Variants in CTCF observed in about 807,000 individuals in gnomAD.
CTCF encodes the protein CCCTC-binding factor, also known as transcriptional repressor CTCF.
A neutral mutation model predicts 72.3 loss-of-function variants in CTCF; 7 were observed. That is an observed-to-expected ratio of 0.10 (90% CI 0.06 to 0.18). CTCF has a LOEUF of 0.18. Among genes scored for constraint, CTCF ranks in the 10% least tolerant of loss-of-function variants. The pLI is 1.00. For synonymous variants in CTCF, 374 were observed against 315.8 expected (o/e 1.18, Z -1.95); for missense variants, 516 against 949.1 (o/e 0.54, Z 6.00).
intron 2 of CTCF, among the ~76,000 whole-genome samples, chr16:67,575,107 C>T (rs113175728): frequency 1.3e-5 from 2 of 152,188 alleles, no homozygotes; most frequent in East Asian, 1.9e-4. Flanking sequence ...TCTTTAGTCA[C>T]GCGTTGTGTT....
rs1185929309 is a variant in CTCF at position 67,566,812 on chromosome 16, C to G, written c.-127+4088C>G. Among the ~76,000 whole-genome samples the G allele has an allele frequency of 3.3e-5, 5 of 152,228 alleles. No homozygotes were observed. In the East Asian group the frequency reaches 9.7e-4, roughly 30 times the overall value. On this transcript the variant is annotated intron_variant, in intron 1 of 11. Transcript: ENST00000264010. ...GCAAGGATGGTTTCGATCTCCTGAC[C>G]TGCCCGCCTCCGCCTCTCAAAGTGC...
At chr16:67,589,180 C>A (rs913153036) in intron 2 of CTCF, among the ~76,000 whole-genome samples, 2 of 152,088 alleles carry the variant, frequency 1.3e-5, no homozygotes, top group East Asian at 1.9e-4. Flanking sequence ...CTGTAGTGTC[C>A]CAACTACCCA....
At chr16:67,585,202 A>G (rs1456796532) in intron 2 of CTCF, among the ~76,000 whole-genome samples, 1 of 152,154 alleles carries the variant, frequency 6.6e-6, no homozygotes, top group Non-Finnish European at 1.5e-5. Flanking sequence ...GGCATGCACC[A>G]TCATGCCCGG....
intron 7 of CTCF, chr16:67,623,494 T>C (rs2052232602): frequency 6.6e-6 from 1 of 151,068 alleles, no homozygotes; most frequent in African/African-American, 2.4e-5. Context: ...TACAAAACGG[T>C]TGTGGTGAGG....
rs774254315 is a variant in CTCF, at chr16:67,611,631, A to G, written c.781+18A>G. ...AAAGAAAGGTAAAACGAGTTTATCC[A>G]TAGTGGTTTCATAAAACCATTTTGG... On this transcript the variant is annotated intron_variant, in intron 3 of 11. Transcript: ENST00000264010. The G allele has an allele frequency of 9.4e-6, 15 of 1,599,800 alleles. No homozygotes were observed. The Admixed American group carries it at 1.8e-4, about 19-fold the overall frequency.
Position 67,626,658 on chromosome 16 carries a change from G to A in CTCF, c.1461G>A (p.Lys487=), listed in dbSNP as rs768715769. 1 of 1,566,792 alleles carries A rather than the reference G, an allele frequency of 6.4e-7. No homozygotes were observed. The highest frequency in any genetic ancestry group is 2.3e-5 in the East Asian group (1 of 43,502). The change falls in exon 8 of 12, where the codon AAG becomes AAA. Residue 487 remains lysine (K), a synonymous_variant. Coordinates refer to ENST00000264010, the MANE Select transcript of CTCF (RefSeq NM_006565.4). ...HERYALIQHQ[K]SHKNEKRFKC... ...GCTATGCCCTCATCCAGCATCAGAAGTCACACAAGAATGAGAAGCGCTTTA... is the reference window on the plus strand; with the variant it reads ...GCTATGCCCTCATCCAGCATCAGAAATCACACAAGAATGAGAAGCGCTTTA...
chr16:67,632,453 T>TC (rs1373943809), intron 10 of CTCF, among the ~76,000 whole-genome samples: 1 of 152,106 alleles, frequency 6.6e-6, no homozygotes, highest in Non-Finnish European at 1.5e-5. Flanking sequence ...ACTCTTTATC[T>TC]CCCCCAGAAA....
chr16:67,567,244 G>A (rs1215634171), intron 1 of CTCF, among the ~76,000 whole-genome samples: 1 of 152,190 alleles, frequency 6.6e-6, no homozygotes, highest in African/African-American at 2.4e-5. Context: ...ATGCAAAGTT[G>A]TGGCATTGCA....
chr16:67,611,860 C>CTA (rs1291891914), intron 3 of CTCF, 91 bp from the exon 4 acceptor site: 3 of 1,188,994 alleles, frequency 2.5e-6, no homozygotes, highest in Non-Finnish European at 2.5e-6. Flanking sequence ...TTATTAAAAG[C>CTA]TAATCAAATA....
chr16:67,620,773 G>A lies in CTCF; in HGVS notation c.1163G>A (p.Ser388Asn), dbSNP rs911815810. ...CAGTGCAGTTTGTGCAGTTATGCCA[G>A]CAGGGACACATACAAGCTGAAAAGG... ...PFQCSLCSYA[S>N]RDTYKLKRHM... The change falls in exon 6 of 12, where the codon AGC becomes AAC. Residue 388 changes from serine to asparagine, a missense_variant. Around this residue, in one of 7 missense-constraint regions of CTCF, gnomAD observed 70 missense variants for 290.1 expected, o/e 0.24. Transcript: ENST00000264010. 1.9e-6 allele frequency: 3 copies of A among 1,604,454 alleles called. No individual in the cohort carries two copies. Among genetic ancestry groups the A allele is most frequent in the Non-Finnish European group, 2.6e-6 (3 of 1,172,702 alleles).
rs188489794 is a variant in CTCF, at chr16:67,621,179, A to G, written c.1208-263A>G. On this transcript the variant is annotated intron_variant, in intron 6 of 11. Transcript: ENST00000264010. ...AAAAAGAAAAACTTGTGGGTTCTCC[A>G]TTCAGTCTCCCCCAAAGGTAAGCAT... 21 of 384,878 alleles carry G rather than the reference A, an allele frequency of 5.5e-5. No individual in the cohort carries two copies. The Admixed American group carries it at 8.0e-4, about 15-fold the overall frequency. The allele number at this position is 384,878 out of a possible 1,614,324, so 23.8% of individuals were successfully genotyped here.
intron 2 of CTCF, among the ~76,000 whole-genome samples, chr16:67,599,985 C>T (rs745737984): frequency 1.3e-5 from 2 of 152,090 alleles, no homozygotes; most frequent in Non-Finnish European, 2.9e-5. Context: ...TTGGTGTGCT[C>T]AGGGGGGCTG....
chr16:67,608,850 G>C (rs1271668765), intron 2 of CTCF, among the ~76,000 whole-genome samples: 1 of 151,696 alleles, frequency 6.6e-6, no homozygotes, highest in Non-Finnish European at 1.5e-5. Context: ...CGATTCTCCT[G>C]CCTCAGCCTC....
At chr16:67,580,219 ATTAAT>A (rs1200542831) in intron 2 of CTCF, among the ~76,000 whole-genome samples, 1 of 152,108 alleles carries the variant, frequency 6.6e-6, no homozygotes, top group African/African-American at 2.4e-5. Flanking sequence ...ATTATTTTAA[ATTAAT>A]TTAGAGACAG....
intron 2 of CTCF, among the ~76,000 whole-genome samples, chr16:67,578,325 CTTTTTTTT>C (rs944395345): frequency 1.2e-5 from 1 of 84,480 alleles, no homozygotes; most frequent in African/African-American, 5.1e-5. Flanking sequence ...GTTTATGTAT[CTTTTTTTT>C]TTTTTTTTTT....
chr16:67,639,049 CTG>C lies in CTCF; in HGVS notation c.*1182_*1183del, dbSNP rs1275816472. 9.9e-6 allele frequency: 2 copies of C among 202,676 alleles called. No individual in the cohort carries two copies. The highest frequency in any genetic ancestry group is 1.2e-4 in the Admixed American group (2 of 16,686). The allele number at this position is 202,676 out of a possible 1,614,324, so 12.6% of individuals were successfully genotyped here. A position where few individuals can be genotyped will look rare whatever the true frequency, so the allele number is the denominator to read the frequency against. On this transcript the variant is annotated 3_prime_UTR_variant, in exon 12 of 12. Transcript: ENST00000264010. ...TTGATGCATTTTGTACTTAGCTGTA[CTG>C]TGTGATATTTTTCATTATTTTAGGA...
intron 7 of CTCF, among the ~76,000 whole-genome samples, chr16:67,624,115 G>GTGTGTT (rs1567614072): frequency 7.8e-6 from 1 of 128,480 alleles, no homozygotes; most frequent in Non-Finnish European, 1.6e-5. Context: ...GTGTGTGTGT[G>GTGTGTT]TATGTGTGTG....
intron 1 of CTCF, among the ~76,000 whole-genome samples, chr16:67,564,642 T>G (rs972393992): frequency 2.6e-5 from 4 of 152,266 alleles, no homozygotes; most frequent in Admixed American, 6.5e-5. Flanking sequence ...TGTGACTTTG[T>G]TTTCCTTTTG....
intron 3 of CTCF, 91 bp from the exon 4 acceptor site, chr16:67,611,860 C>T (rs2052067018): frequency 4.2e-6 from 5 of 1,188,876 alleles, no homozygotes; most frequent in South Asian, 3.9e-5. Flanking sequence ...TTATTAAAAG[C>T]TAATCAAATA....
Sources: gnomAD v4.1 joint callset for allele counts (sites outside exome capture counted in the v4.1 genomes callset) on GRCh38, gnomAD v4.1.1 for gene constraint, gnomAD v4.1.1 regional missense constraint, MANE v1.5 for transcripts, NCBI Gene and HGNC (gene_info 2026-07-23, HGNC 2026-07-21) for gene names.